Variants in DOCK4 observed in about 807,000 individuals in gnomAD.
DOCK4 encodes the protein dedicator of cytokinesis 4.
DOCK4 carries 97 observed loss-of-function variants against 268.1 expected under a neutral mutation model. The ratio of observed to expected loss-of-function variants is 0.36; its 90% CI spans 0.31 to 0.43. The LOEUF is 0.43. Among genes scored for constraint, DOCK4 ranks in the 20% least tolerant of loss-of-function variants. The pLI is 1.00. For synonymous variants in DOCK4, 954 were observed against 887.2 expected (o/e 1.08, Z -1.34); for missense variants, 2,145 against 2,455.7 (o/e 0.87, Z 2.67).
intron 8 of DOCK4, among the ~76,000 whole-genome samples, chr7:111,961,019 G>A (rs1796840489): frequency 6.6e-6 from 1 of 152,006 alleles, no homozygotes; most frequent in Admixed American, 6.5e-5. Flanking sequence ...GCACACACTG[G>A]TTTCATTTCT....
chr7:112,157,229 A>T (rs1816696889), intron 1 of DOCK4, among the ~76,000 whole-genome samples: 1 of 152,108 alleles, frequency 6.6e-6, no homozygotes. Flanking sequence ...AAACCACAAA[A>T]CCTCATATGT....
chr7:111,976,270 TA>T (rs1562954367), intron 8 of DOCK4, among the ~76,000 whole-genome samples: 311 of 862 alleles, frequency 0.36, 8 homozygotes, highest in East Asian at 0.46. Flanking sequence ...GTGTGTCTAT[TA>T]TATATATATA....
intron 16 of DOCK4, 121 bp from the exon 17 acceptor site, chr7:111,877,307 G>C (rs1039946842): frequency 1.1e-6 from 1 of 930,132 alleles, no homozygotes; most frequent in Non-Finnish European, 1.4e-6. Flanking sequence ...ATTACAAGTA[G>C]AATTTGGTTT....
At chr7:112,137,452 C>T (rs931978483) in intron 1 of DOCK4, among the ~76,000 whole-genome samples, 1 of 151,996 alleles carries the variant, frequency 6.6e-6, no homozygotes, top group Non-Finnish European at 1.5e-5. Flanking sequence ...TCCTTTGGTC[C>T]GAGATCACAC....
Position 111,758,686 on chromosome 7 carries a change from A to G in DOCK4, c.4267T>C (p.Trp1423Arg). 6.2e-7 allele frequency: 1 copy of G among 1,613,980 alleles called. No individual in the cohort carries two copies. The highest frequency in any genetic ancestry group is 1.6e-4 in the Middle Eastern group (1 of 6,062). Residue 1423 changes from tryptophan to arginine, a missense_variant, in exon 41 of 53, where the codon TGG (tryptophan) becomes CGG (arginine). Physicochemically the swap from Trp to Arg is moderately radical, Grantham distance 101. Around this residue, in one of 2 missense-constraint regions of DOCK4, gnomAD observed 1,598 missense variants for 1,986.7 expected, o/e 0.80. Transcript: ENST00000428084. Reference protein sequence around the residue: ...IKSFYKVNHIWKFRYDRPFHK... With the variant: ...IKSFYKVNHIRKFRYDRPFHK... Reference sequence around the variant, plus strand: ...AATGGTCGGTCATAGCGGAATTTCCAGATGTGATTCACTTTATAGAAGCTT... The same window carrying G: ...AATGGTCGGTCATAGCGGAATTTCCGGATGTGATTCACTTTATAGAAGCTT...
intron 26 of DOCK4, among the ~76,000 whole-genome samples, chr7:111,827,843 G>C (rs998738492): frequency 6.6e-6 from 1 of 152,126 alleles, no homozygotes; most frequent in African/African-American, 2.4e-5. Context: ...GCAAGGAATG[G>C]GAAGTACTCA....
At chr7:112,020,521 G>A (rs987556164) in intron 1 of DOCK4, among the ~76,000 whole-genome samples, 4 of 151,980 alleles carry the variant, frequency 2.6e-5, no homozygotes, top group African/African-American at 7.3e-5. Context: ...ATTTACATTT[G>A]TTTTGGAGAA....
At chr7:111,979,240 G>C (rs958395007) in intron 7 of DOCK4, among the ~76,000 whole-genome samples, 5 of 152,070 alleles carry the variant, frequency 3.3e-5, no homozygotes, top group African/African-American at 7.2e-5. Context: ...AGAAGCAAAG[G>C]GTGGAAAAAA....
chr7:112,059,231 C>T (rs1250050014), intron 1 of DOCK4, among the ~76,000 whole-genome samples: 1 of 149,832 alleles, frequency 6.7e-6, no homozygotes, highest in African/African-American at 2.5e-5. Flanking sequence ...CAACTTCCAC[C>T]TCCCAAGTTC....
chr7:111,930,331 A>AG (rs1487171820), intron 12 of DOCK4, among the ~76,000 whole-genome samples: 3 of 152,238 alleles, frequency 2.0e-5, no homozygotes, highest in Non-Finnish European at 4.4e-5. Flanking sequence ...CTTAGGTTAG[A>AG]GGGGAAAAAA....
intron 26 of DOCK4, among the ~76,000 whole-genome samples, chr7:111,831,803 T>C (rs1802831868): frequency 6.6e-6 from 1 of 152,184 alleles, no homozygotes; most frequent in Non-Finnish European, 1.5e-5. Flanking sequence ...GCATTTTCAA[T>C]AGTGCAACCA....
In DOCK4 at chr7:111,760,233, G is replaced by A. The variant is rs1489844052; in HGVS notation, c.4110C>T (p.Ala1370=). The A allele has an allele frequency of 4.3e-6, 7 of 1,614,002 alleles. No homozygotes were observed. The highest frequency in any genetic ancestry group is 5.1e-6 in the Non-Finnish European group (6 of 1,179,880). ...CATCGGGCTGGTTGGCGTGCTGCAT[G>A]GCGATGGCATGGGGGAACTCGTTCA... The part of the protein sequence containing the change: ...RMLNEFPHAI[A]MQHANQPDET... The change falls in exon 40 of 53, where the codon GCC becomes GCT. Residue 1370 remains alanine (A), a synonymous_variant. Coordinates refer to ENST00000428084, the MANE Select transcript of DOCK4 (RefSeq NM_001363540.2).
intron 1 of DOCK4, among the ~76,000 whole-genome samples, chr7:112,049,260 G>A (rs1454309381): frequency 1.3e-5 from 2 of 152,158 alleles, no homozygotes; most frequent in African/African-American, 4.8e-5. Flanking sequence ...GCTTGAAGGA[G>A]AGAAATGGAA....
At chr7:112,163,848 C>A (rs1283251819) in intron 1 of DOCK4, among the ~76,000 whole-genome samples, 5 of 152,156 alleles carry the variant, frequency 3.3e-5, no homozygotes, top group Non-Finnish European at 4.4e-5. Flanking sequence ...TCAGTTAGAA[C>A]TGCAAGGGGC....
At chr7:112,094,491 A>G (rs1809924161) in intron 1 of DOCK4, among the ~76,000 whole-genome samples, 1 of 152,244 alleles carries the variant, frequency 6.6e-6, no homozygotes, top group African/African-American at 2.4e-5. Context: ...TTCAAATTAC[A>G]CCAACTTAGT....
chr7:111,964,225 TGA>T (rs1797195563), intron 8 of DOCK4, among the ~76,000 whole-genome samples: 1 of 126,328 alleles, frequency 7.9e-6, no homozygotes. Context: ...TTTGACGAGC[TGA>T]GAGAAGGCTT....
chr7:112,052,796 T>C (rs1417855248), intron 1 of DOCK4, among the ~76,000 whole-genome samples: 1 of 152,160 alleles, frequency 6.6e-6, no homozygotes, highest in African/African-American at 2.4e-5. Flanking sequence ...CTCTCCAATA[T>C]CATTATTAAA....
rs544846937 is a variant in DOCK4, at chr7:112,202,876, CAG to C, written c.37+3224_37+3225del. 3.0e-3 allele frequency among the ~76,000 whole-genome samples: 449 copies of C among 152,072 alleles called. 1 individual carries two copies. The highest frequency in any genetic ancestry group is 4.8e-3 in the Non-Finnish European group (328 of 67,984). On this transcript the variant is annotated intron_variant, in intron 1 of 52. Transcript: ENST00000428084. ...CACTGCCCATGGAGCTCCTACTAGC[CAG>C]AGAGAATCAAACAAATTGAGAAAGA...
chr7:111,732,141 G>T, intron 52 of DOCK4, 85 bp downstream of exon 52: 1 of 1,366,266 alleles, frequency 7.3e-7, no homozygotes, highest in East Asian at 2.4e-5. Context: ...GCAAATTAAA[G>T]CACCTTTTGA....
Sources: allele counts gnomAD v4.1 joint callset (sites outside exome capture counted in the v4.1 genomes callset), GRCh38; gene constraint gnomAD v4.1.1; regional missense constraint gnomAD v4.1.1; transcripts MANE v1.5; gene names NCBI Gene and HGNC (gene_info 2026-07-23, HGNC 2026-07-21).